The following RIGI variants were observed in gnomAD, a reference collection of about 807,000 sequenced individuals.
RIGI encodes antiviral innate immune response receptor RIG-I.
chr9:32,494,471 A>G, the RIGI span, among the ~76,000 whole-genome samples: 5,108 of 152,280 alleles, frequency 0.034, 279 homozygotes, highest in African/African-American at 0.11. Flanking sequence ...TAGAAAGTTC[A>G]GAGAAAAATA....
At chr9:32,476,044 C>T in the RIGI span, among the ~76,000 whole-genome samples, 2 of 151,946 alleles carry the variant, frequency 1.3e-5, no homozygotes, top group African/African-American at 4.8e-5. Flanking sequence ...AAGGCAGTTA[C>T]AGATCGCTAA....
chr9:32,500,712 G>A, the RIGI span: 3 of 1,459,582 alleles, frequency 2.1e-6, no homozygotes, highest in Non-Finnish European at 2.8e-6. Flanking sequence ...AACTATAAGT[G>A]GATACTTCAA....
At chr9:32,468,292 A>G in the RIGI span, among the ~76,000 whole-genome samples, 2 of 152,244 alleles carry the variant, frequency 1.3e-5, no homozygotes, top group African/African-American at 4.8e-5. Context: ...TAGCTGACAA[A>G]ACATTTTCAC....
the RIGI span, chr9:32,480,214 C>T: frequency 1.3e-6 from 2 of 1,592,464 alleles, no homozygotes; most frequent in African/African-American, 1.3e-5. Context: ...GAAAACACCA[C>T]TCACCTTCAA....
chr9:32,481,232 A>T, the RIGI span: 2 of 1,136,272 alleles, frequency 1.8e-6, no homozygotes, highest in Non-Finnish European at 2.5e-6. Context: ...AAGGTTCCTA[A>T]GTGAGCTCTT....
chr9:32,458,333 A>G, the RIGI span, among the ~76,000 whole-genome samples: 2 of 152,268 alleles, frequency 1.3e-5, no homozygotes, highest in African/African-American at 4.8e-5. Flanking sequence ...AAAGTGATCC[A>G]TAGCCCAAAA....
At chr9:32,490,840 A>T in the RIGI span, among the ~76,000 whole-genome samples, 1 of 152,192 alleles carries the variant, frequency 6.6e-6, no homozygotes, top group African/African-American at 2.4e-5. Context: ...CACAGGCTGG[A>T]TCTCAGCCCC....
chr9:32,478,053 G>T, the RIGI span, among the ~76,000 whole-genome samples: 3,165 of 150,736 alleles, frequency 0.021, 147 homozygotes, highest in African/African-American at 0.075. Flanking sequence ...TTTTGTTTTT[G>T]TTTTTTTTCC....
chr9:32,504,249 T>C, the RIGI span, among the ~76,000 whole-genome samples: 1 of 152,144 alleles, frequency 6.6e-6, no homozygotes, highest in Non-Finnish European at 1.5e-5. Flanking sequence ...AGATGCTGGA[T>C]GTGGGCACGG....
At chr9:32,522,080 C>T in the RIGI span, among the ~76,000 whole-genome samples, 1 of 152,170 alleles carries the variant, frequency 6.6e-6, no homozygotes, top group East Asian at 1.9e-4. Context: ...ATTAGAGTCC[C>T]TCTTAATTAA....
the RIGI span, chr9:32,457,502 ACCCCAC>A: frequency 7.0e-6 from 8 of 1,138,452 alleles, no homozygotes; most frequent in Non-Finnish European, 9.6e-6. Flanking sequence ...AAAAAAGAAA[ACCCCAC>A]AATAATCTGA....
At chr9:32,523,576 G>C in the RIGI span, among the ~76,000 whole-genome samples, 1 of 151,960 alleles carries the variant, frequency 6.6e-6, no homozygotes, top group Non-Finnish European at 1.5e-5. Context: ...CTCCCCAAGA[G>C]ACCTATTGAT....
At chr9:32,465,360 T>C in the RIGI span, among the ~76,000 whole-genome samples, 1 of 152,204 alleles carries the variant, frequency 6.6e-6, no homozygotes, top group Non-Finnish European at 1.5e-5. Context: ...GTCAATACTT[T>C]TTGGAGCACA....
At chr9:32,476,944 T>G in the RIGI span, 4 of 1,548,098 alleles carry the variant, frequency 2.6e-6, no homozygotes, top group Admixed American at 7.0e-5. Context: ...TGAATAGTGC[T>G]GGGTCCATTT....
the RIGI span, chr9:32,491,225 G>T: frequency 2.0e-6 from 3 of 1,526,996 alleles, no homozygotes; most frequent in Non-Finnish European, 2.6e-6. Flanking sequence ...CTGTGACTTT[G>T]GGTACTGCAA....
chr9:32,495,181 A>C, the RIGI span, among the ~76,000 whole-genome samples: 1 of 151,838 alleles, frequency 6.6e-6, no homozygotes, highest in Non-Finnish European at 1.5e-5. Flanking sequence ...ATCCTCACCT[A>C]TATGCATTAT....
the RIGI span, among the ~76,000 whole-genome samples, chr9:32,514,124 G>C: frequency 2.0e-5 from 3 of 152,240 alleles, no homozygotes; most frequent in Non-Finnish European, 2.9e-5. Context: ...TACACTTTTG[G>C]TGGGAGTGTA....
At chr9:32,485,748 C>G in the RIGI span, among the ~76,000 whole-genome samples, 3 of 151,996 alleles carry the variant, frequency 2.0e-5, no homozygotes, top group African/African-American at 7.2e-5. Flanking sequence ...ACCATATTGG[C>G]CAGGCTGGTC....
At chr9:32,518,615 G>C in the RIGI span, among the ~76,000 whole-genome samples, 1 of 152,174 alleles carries the variant, frequency 6.6e-6, no homozygotes, top group South Asian at 2.1e-4. Flanking sequence ...CATAGTTAAA[G>C]CTCTTAGTCT....
Sources: gnomAD v4.1 joint callset for allele counts (sites outside exome capture counted in the v4.1 genomes callset) on GRCh38, gnomAD v4.1.1 for gene constraint, MANE v1.5 for transcripts, NCBI Gene and HGNC (gene_info 2026-07-23, HGNC 2026-07-21) for gene names.